FTO: variants seen among roughly 807,000 people sequenced by gnomAD.
FTO encodes the protein alpha-ketoglutarate-dependent dioxygenase FTO.
FTO carries 47 observed loss-of-function variants against 63.9 expected under a neutral mutation model. That is an observed-to-expected ratio of 0.74 (90% CI 0.58 to 0.94). FTO has a LOEUF of 0.94. Ranked by LOEUF, FTO falls within the 40% of genes least tolerant of loss-of-function variation. The probability of loss-of-function intolerance (pLI) is 0.00; values close to 1 mark genes in which losing one functional copy is unlikely to be tolerated. For synonymous variants in FTO, 207 were observed against 224.4 expected (o/e 0.92, Z 0.69); for missense variants, 562 against 618.1 (o/e 0.91, Z 0.96).
chr16:54,109,925 T>A (rs1163127638), intron 8 of FTO, among the ~76,000 whole-genome samples: 4 of 152,194 alleles, frequency 2.6e-5, no homozygotes, highest in Non-Finnish European at 5.9e-5. Context: ...ATTTATCCAC[T>A]GTGAGATTGA....
At chr16:54,028,456 T>C (rs1414745496) in intron 8 of FTO, among the ~76,000 whole-genome samples, 1 of 152,200 alleles carries the variant, frequency 6.6e-6, no homozygotes, top group Non-Finnish European at 1.5e-5. Flanking sequence ...TTTCACTTGA[T>C]AACAAAGATG....
chr16:53,879,560 C>T (rs2080763834), intron 5 of FTO, among the ~76,000 whole-genome samples: 1 of 151,894 alleles, frequency 6.6e-6, no homozygotes, highest in South Asian at 2.1e-4. Context: ...GTAGTGCCTG[C>T]CTGTGGTACC....
At chr16:53,772,616 C>G (rs1032833145) in intron 1 of FTO, among the ~76,000 whole-genome samples, 3 of 152,138 alleles carry the variant, frequency 2.0e-5, no homozygotes, top group African/African-American at 7.2e-5. Context: ...TACCACACCT[C>G]TTTTCACTAG....
chr16:54,088,244 A>G (rs2086292130), intron 8 of FTO, among the ~76,000 whole-genome samples: 2 of 152,198 alleles, frequency 1.3e-5, no homozygotes, highest in African/African-American at 4.8e-5. Context: ...ATCAATACCC[A>G]CATTGCGTTT....
intron 6 of FTO, among the ~76,000 whole-genome samples, chr16:53,880,937 T>TAAAAAAAAAAAAAAAAAAAAAAAAA (rs34062544): frequency 1.5e-5 from 1 of 67,684 alleles, no homozygotes; most frequent in Non-Finnish European, 2.7e-5. Flanking sequence ...CCGTCTCTAC[T>TAAAAAAAAAAAAAAAAAAAAAAAAA]AAAAAAAAAA....
chr16:53,816,255 G>A (rs1015156160), intron 2 of FTO, among the ~76,000 whole-genome samples: 1 of 152,114 alleles, frequency 6.6e-6, no homozygotes, highest in Non-Finnish European at 1.5e-5. Flanking sequence ...TTACACCGTG[G>A]CCAAAACTGC....
chr16:54,121,813 A>T lies in FTO; in HGVS notation c.*9898A>T, dbSNP rs151082888. 3.9e-5 allele frequency: 6 copies of T among 152,262 alleles called. No homozygotes were observed. The highest frequency in any genetic ancestry group is 1.4e-4 in the African/African-American group (6 of 41,538). The allele number at this position is 152,262 out of a possible 1,614,324, so 9.4% of individuals were successfully genotyped here. On this transcript the variant is annotated 3_prime_UTR_variant, in exon 9 of 9. Transcript: ENST00000471389. Reference sequence around the variant, plus strand: ...TGTCCTATTTATAAGTCAGTAAAACACAGCGGCTTCATACTCTGTGCTTAT... The same window carrying T: ...TGTCCTATTTATAAGTCAGTAAAACTCAGCGGCTTCATACTCTGTGCTTAT...
At chr16:53,853,570 A>G (rs561030527) in intron 4 of FTO, among the ~76,000 whole-genome samples, 33 of 152,234 alleles carry the variant, frequency 2.2e-4, no homozygotes, top group African/African-American at 7.7e-4. Flanking sequence ...GAGAACATGC[A>G]ATATTTGTTT....
chr16:53,889,511 TA>T (rs1299600028), intron 7 of FTO, among the ~76,000 whole-genome samples: 3 of 152,154 alleles, frequency 2.0e-5, no homozygotes, highest in Admixed American at 2.0e-4. Context: ...GGTATGACAT[TA>T]GCTAAATTGA....
chr16:53,968,595 C>G (rs1328889949), intron 8 of FTO, among the ~76,000 whole-genome samples: 1 of 152,208 alleles, frequency 6.6e-6, no homozygotes, highest in Non-Finnish European at 1.5e-5. Flanking sequence ...CATTAACACT[C>G]TCGGACAAGA....
intron 1 of FTO, among the ~76,000 whole-genome samples, chr16:53,799,066 G>A (rs1196724943): frequency 6.6e-6 from 1 of 152,064 alleles, no homozygotes; most frequent in Non-Finnish European, 1.5e-5. Context: ...CTGGCGTTCT[G>A]GGGGTAACAC....
chr16:53,898,209 C>A (rs963530734), intron 7 of FTO, among the ~76,000 whole-genome samples: 1 of 152,028 alleles, frequency 6.6e-6, no homozygotes. Flanking sequence ...CAGTGCTCCC[C>A]CTCTTTCCCT....
rs1441801819 is a variant in FTO, at chr16:53,754,496, G to T, written c.45+50267G>T. On this transcript the variant is annotated intron_variant, in intron 1 of 8. Transcript: ENST00000471389. ...CTACTAAAAATGCAAAAATTGGCCG[G>T]GCACGGTGGCGGATGCCTATAATCC... Among the ~76,000 whole-genome samples the T allele has an allele frequency of 2.6e-5, 4 of 152,196 alleles. No homozygotes were observed. In the East Asian group the frequency reaches 7.7e-4, roughly 29 times the overall value.
chr16:53,704,524 T>C (rs1432791779), intron 1 of FTO, among the ~76,000 whole-genome samples: 1 of 152,228 alleles, frequency 6.6e-6, no homozygotes, highest in East Asian at 1.9e-4. Context: ...TGCCTCAGTT[T>C]ACCGGATTCT....
intron 8 of FTO, among the ~76,000 whole-genome samples, chr16:54,055,797 A>C (rs879345330): frequency 7.9e-5 from 12 of 152,270 alleles, no homozygotes; most frequent in Admixed American, 5.9e-4. Context: ...CAGCCTACTC[A>C]TGGGCACAAT....
intron 8 of FTO, among the ~76,000 whole-genome samples, chr16:54,030,110 C>T (rs1250302157): frequency 6.6e-6 from 1 of 152,226 alleles, no homozygotes; most frequent in African/African-American, 2.4e-5. Context: ...GAGGTTCTCT[C>T]TTCCTCCTAA....
Position 54,118,867 on chromosome 16 carries a change from T to C in FTO, c.*6952T>C, listed in dbSNP as rs2144648550. On this transcript the variant is annotated 3_prime_UTR_variant, in exon 9 of 9. Coordinates refer to ENST00000471389, the MANE Select transcript of FTO (RefSeq NM_001080432.3). ...AACATTTGGAAAAAGGCTTTGTAAA[T>C]GCTAAAGTCCTACTCAAGTCCAAGG... 6.6e-6 allele frequency: 1 copy of C among 152,314 alleles called. No homozygotes were observed. The highest frequency in any genetic ancestry group is 1.5e-5 in the Non-Finnish European group (1 of 68,044). The allele number at this position is 152,314 out of a possible 1,614,324, so 9.4% of individuals were successfully genotyped here.
At chr16:54,095,611 G>A (rs2086498888) in intron 8 of FTO, among the ~76,000 whole-genome samples, 1 of 152,156 alleles carries the variant, frequency 6.6e-6, no homozygotes, top group Admixed American at 6.6e-5. Context: ...GGGAAAGGGA[G>A]CAACGTCCAG....
At chr16:54,051,062 C>T (rs896813713) in intron 8 of FTO, among the ~76,000 whole-genome samples, 6 of 152,148 alleles carry the variant, frequency 3.9e-5, no homozygotes, top group African/African-American at 4.8e-5. Flanking sequence ...CTACAAAAAG[C>T]GTTATCCATA....
Sources: gnomAD v4.1 joint callset for allele counts (sites outside exome capture counted in the v4.1 genomes callset) on GRCh38, gnomAD v4.1.1 for gene constraint, MANE v1.5 for transcripts, NCBI Gene and HGNC (gene_info 2026-07-23, HGNC 2026-07-21) for gene names.